CAAP1: variants seen among roughly 807,000 people sequenced by gnomAD.
CAAP1 encodes the protein caspase activity and apoptosis inhibitor 1.
CAAP1 carries 20 observed loss-of-function variants against 34.0 expected under a neutral mutation model. The observed-to-expected ratio is 0.59, with a 90% CI of 0.41 to 0.86. The LOEUF (loss-of-function observed/expected upper bound fraction) is 0.86, where lower values mean the gene tolerates loss of function less well. CAAP1 is among the 40% of genes least tolerant of loss of function. CAAP1 has a pLI of 0.00. For synonymous variants in CAAP1, 213 were observed against 166.7 expected, an observed-to-expected ratio of 1.28 and a Z score of -2.14; for missense variants, 538 against 450.5, an observed-to-expected ratio of 1.19 and a Z score of -1.76.
At chr9:26,887,141 G>A (rs779508192) in intron 2 of CAAP1, among the ~76,000 whole-genome samples, 172 bp downstream of exon 2, 1 of 152,172 alleles carries the variant, frequency 6.6e-6, no homozygotes, top group African/African-American at 2.4e-5. Context: ...GAACCCGGGA[G>A]GCGGAGGTTG....
intron 5 of CAAP1, among the ~76,000 whole-genome samples, chr9:26,848,772 T>C (rs992156203): frequency 6.6e-6 from 1 of 152,256 alleles, no homozygotes; most frequent in African/African-American, 2.4e-5. Flanking sequence ...TTGGGTCTTA[T>C]GTTGTTTATT....
At chr9:26,867,355 C>T (rs1823164307) in intron 4 of CAAP1, among the ~76,000 whole-genome samples, 1 of 152,168 alleles carries the variant, frequency 6.6e-6, no homozygotes, top group Non-Finnish European at 1.5e-5. Context: ...CCTCCTGTTT[C>T]CCTCATATAA....
At chr9:26,867,116 C>A (rs1430176421) in intron 4 of CAAP1, among the ~76,000 whole-genome samples, 1 of 152,148 alleles carries the variant, frequency 6.6e-6, no homozygotes, top group Non-Finnish European at 1.5e-5. Flanking sequence ...GCCTGATAAT[C>A]TGAGGTGGAA....
intron 4 of CAAP1, among the ~76,000 whole-genome samples, chr9:26,870,567 TATAA>T (rs1368531511): frequency 1.8e-4 from 25 of 140,522 alleles, no homozygotes; most frequent in African/African-American, 5.8e-4. Flanking sequence ...CACACACACG[TATAA>T]ATACACACAT....
intron 2 of CAAP1, 135 bp downstream of exon 2, chr9:26,887,178 C>T (rs966653038): frequency 3.5e-6 from 2 of 569,012 alleles, no homozygotes; most frequent in Admixed American, 3.7e-5. Context: ...CGCCACCACA[C>T]TCCAGCCTGG....
intron 5 of CAAP1, among the ~76,000 whole-genome samples, chr9:26,859,373 C>G (rs147019417): frequency 1.8e-4 from 27 of 152,162 alleles, no homozygotes; most frequent in Admixed American, 1.2e-3. Context: ...AACATGGGAA[C>G]AGAAAAACAT....
chr9:26,852,960 T>C (rs1822788442), intron 5 of CAAP1, among the ~76,000 whole-genome samples: 1 of 152,138 alleles, frequency 6.6e-6, no homozygotes, highest in African/African-American at 2.4e-5. Context: ...TTTGGAGTGC[T>C]AGAAGAAAGC....
chr9:26,880,094 C>CG (rs3063606), intron 4 of CAAP1: 1,800 of 149,030 alleles, frequency 0.012, 31 homozygotes, highest in African/African-American at 0.036. Context: ...GAAAAAAATC[C>CG]GGGGGGGGGG....
Position 26,843,477 on chromosome 9 carries a change from CTTT to C in CAAP1, c.740-833_740-831del, listed in dbSNP as rs539625892. ...TTTTTGTGTGTTTTTCTTGCATTTT[CTTT>C]TTTTTCTTTTTATTTTATTATTATA... On this transcript the variant is annotated intron_variant, in intron 5 of 5. Transcript: ENST00000333916. Among the ~76,000 whole-genome samples the C allele has an allele frequency of 3.4e-4, 51 of 151,590 alleles. 2 individuals are homozygous for C. The South Asian group carries it at 0.01, about 31-fold the overall frequency.
Position 26,842,417 on chromosome 9 carries a change from G to T in CAAP1, c.970C>A (p.Pro324Thr), listed in dbSNP as rs1390075931. 5 of 1,614,034 alleles carry T rather than the reference G, an allele frequency of 3.1e-6. No homozygotes were observed. Among genetic ancestry groups the T allele is most frequent in the Non-Finnish European group, 4.2e-6 (5 of 1,180,020 alleles). The change falls in exon 6 of 6, where the codon CCT (proline) becomes ACT (threonine). Residue 324 changes from proline (P) to threonine (T), a missense_variant. Coordinates refer to ENST00000333916, the MANE Select transcript of CAAP1 (RefSeq NM_024828.4). Reference protein sequence around the residue: ...NEPKAATLAVPPPEDVQPSAQ... With the variant: ...NEPKAATLAVTPPEDVQPSAQ... Reference sequence around the variant, plus strand: ...GAAGGTTGAACATCTTCTGGTGGAGGAACAGCCAGGGTGGCTGCTTTGGGT... The same window carrying T: ...GAAGGTTGAACATCTTCTGGTGGAGTAACAGCCAGGGTGGCTGCTTTGGGT...
intron 5 of CAAP1, 68 bp from the exon 6 acceptor site, chr9:26,842,715 A>G: frequency 1.5e-6 from 2 of 1,338,276 alleles, no homozygotes; most frequent in Non-Finnish European, 2.0e-6. Flanking sequence ...CTTACTGTTT[A>G]TAATTTAAAA....
At chr9:26,852,678 CA>C (rs1156386895) in intron 5 of CAAP1, among the ~76,000 whole-genome samples, 1 of 152,052 alleles carries the variant, frequency 6.6e-6, no homozygotes, top group Non-Finnish European at 1.5e-5. Context: ...GTGAAGTAGA[CA>C]TGTGATAGAT....
chr9:26,852,726 A>G (rs1053525969), intron 5 of CAAP1, among the ~76,000 whole-genome samples: 2 of 152,152 alleles, frequency 1.3e-5, no homozygotes, highest in African/African-American at 4.8e-5. Context: ...GACTTCTATA[A>G]GACTACAGTA....
intron 5 of CAAP1, among the ~76,000 whole-genome samples, chr9:26,846,750 C>T (rs567005500): frequency 3.4e-4 from 51 of 152,074 alleles, no homozygotes; most frequent in African/African-American, 1.1e-3. Context: ...TGCAATGATG[C>T]GATTTCAGCT....
intron 4 of CAAP1, among the ~76,000 whole-genome samples, chr9:26,863,852 A>G (rs1563884440): frequency 6.6e-6 from 1 of 150,544 alleles, no homozygotes; most frequent in East Asian, 2.0e-4. Context: ...GCTGGAGTGC[A>G]GTGATCACAG....
chr9:26,851,729 A>G (rs181165469), intron 5 of CAAP1, among the ~76,000 whole-genome samples: 5 of 152,324 alleles, frequency 3.3e-5, no homozygotes, highest in African/African-American at 4.8e-5. Context: ...AAATGAAAAT[A>G]CCCAAAAGGG....
chr9:26,879,258 G>T (rs1246771558), intron 4 of CAAP1, among the ~76,000 whole-genome samples: 2 of 152,030 alleles, frequency 1.3e-5, no homozygotes, highest in Admixed American at 6.6e-5. Flanking sequence ...TTCTAAGAAG[G>T]GCAAAACTGC....
At chr9:26,852,889 T>C (rs1822785341) in intron 5 of CAAP1, among the ~76,000 whole-genome samples, 1 of 152,092 alleles carries the variant, frequency 6.6e-6, no homozygotes, top group Non-Finnish European at 1.5e-5. Flanking sequence ...CATATGGTTA[T>C]CTGAGGAGGA....
At chr9:26,888,805 C>A (rs1475065819) in intron 1 of CAAP1, among the ~76,000 whole-genome samples, 1 of 152,186 alleles carries the variant, frequency 6.6e-6, no homozygotes. Flanking sequence ...TTGTTCTTAA[C>A]AGCATTATTC....
Sources: gnomAD v4.1 joint callset for allele counts (sites outside exome capture counted in the v4.1 genomes callset) on GRCh38, gnomAD v4.1.1 for gene constraint, MANE v1.5 for transcripts, NCBI Gene and HGNC (gene_info 2026-07-23, HGNC 2026-07-21) for gene names.